CACNA1E: variants seen among roughly 807,000 people sequenced by gnomAD.
The protein encoded by CACNA1E is voltage-dependent R-type calcium channel subunit alpha-1E.
In CACNA1E, 40 loss-of-function variants were observed where a neutral mutation model predicts 259.2. That is an observed-to-expected ratio of 0.15 (90% CI 0.12 to 0.20). CACNA1E has a LOEUF of 0.20. Ranked by LOEUF, CACNA1E falls within the 10% of genes least tolerant of loss-of-function variation. CACNA1E has a pLI of 1.00. For missense variants in CACNA1E, 1,874 were observed against 3,040.1 expected (o/e 0.62, Z 9.02); for synonymous variants, 1,104 against 1,138.5 (o/e 0.97, Z 0.61).
intron 3 of CACNA1E, among the ~76,000 whole-genome samples, chr1:181,544,652 C>G (rs1415233077): frequency 2.6e-5 from 4 of 152,082 alleles, no homozygotes; most frequent in African/African-American, 9.7e-5. Flanking sequence ...GTTTTAGCAC[C>G]CTTCTCCCCC....
rs1662384029 is a variant in CACNA1E, at chr1:181,802,981, T to G, written c.*4147T>G. 1 of 152,162 alleles carries G rather than the reference T, an allele frequency of 6.6e-6. No individual in the cohort carries two copies. Among genetic ancestry groups the G allele is most frequent in the Non-Finnish European group, 1.5e-5 (1 of 68,034 alleles). 9.4% of individuals were successfully genotyped at this position (152,162 alleles called of 1,614,324 possible). On this transcript the variant is annotated 3_prime_UTR_variant, in exon 48 of 48. Transcript: ENST00000367573. ...AAACGTACAGCAGAAGGGGAGCAAA[T>G]AGCTACCTTTCAAGGATTTTGAGAT...
intron 1 of CACNA1E, among the ~76,000 whole-genome samples, chr1:181,397,004 G>A (rs894480078): frequency 6.6e-6 from 1 of 152,200 alleles, no homozygotes; most frequent in Non-Finnish European, 1.5e-5. Flanking sequence ...CTGGCCAATG[G>A]AACAGCTGGG....
chr1:181,425,264 G>C (rs1201524848), intron 2 of CACNA1E, among the ~76,000 whole-genome samples: 1 of 152,108 alleles, frequency 6.6e-6, no homozygotes, highest in African/African-American at 2.4e-5. Flanking sequence ...GCCTTGGCAG[G>C]GCACGATGAG....
At chr1:181,587,325 T>A (rs527315262) in intron 6 of CACNA1E, among the ~76,000 whole-genome samples, 1 of 152,246 alleles carries the variant, frequency 6.6e-6, no homozygotes, top group African/African-American at 2.4e-5. Context: ...ATGGACTCAC[T>A]TGGAGTTAGT....
At chr1:181,343,553 C>T (rs1270767355) in intron 1 of CACNA1E, among the ~76,000 whole-genome samples, 6 of 152,126 alleles carry the variant, frequency 3.9e-5, no homozygotes, top group Non-Finnish European at 8.8e-5. Context: ...GGTGGTATAC[C>T]TCAGGTACAG....
chr1:181,466,582 GCAAAA>G (rs978158789), intron 2 of CACNA1E, among the ~76,000 whole-genome samples: 50 of 151,864 alleles, frequency 3.3e-4, no homozygotes, highest in Non-Finnish European at 3.2e-4. Flanking sequence ...GCAAAGCAAA[GCAAAA>G]CAAAACAAAA....
chr1:181,569,802 A>AAGG (rs1365220769), intron 3 of CACNA1E, among the ~76,000 whole-genome samples: 3 of 152,246 alleles, frequency 2.0e-5, no homozygotes, highest in African/African-American at 7.2e-5. Flanking sequence ...ATTGTTCCAG[A>AAGG]AGGAGCCATA....
At position 181,772,105 on chromosome 1, in the gene CACNA1E, A is replaced by T; in HGVS notation, c.5013A>T (p.Ser1671=). 6.2e-7 allele frequency: 1 copy of T among 1,614,004 alleles called. No individual in the cohort carries two copies. The highest frequency in any genetic ancestry group is 1.1e-5 in the South Asian group (1 of 91,070). The change falls in exon 37 of 48, where the codon TCA becomes TCT. Residue 1671 remains serine, a synonymous_variant. Coordinates refer to ENST00000367573, the MANE Select transcript of CACNA1E (RefSeq NM_001205293.3). ...AGGCCTGGCAGGAGATTATGCTGTC[A>T]TGCCTTGGGGAGAAGGGCTGTGAGC... ...TGEAWQEIML[S]CLGEKGCEPD... is the part of the protein sequence containing the mutation.
chr1:181,762,816 A>G (rs1485590933), intron 33 of CACNA1E, among the ~76,000 whole-genome samples, 159 bp downstream of exon 33: 1 of 152,160 alleles, frequency 6.6e-6, no homozygotes, highest in African/African-American at 2.4e-5. Context: ...CAGCCAGGGA[A>G]TGCAAACTTG....
intron 1 of CACNA1E, among the ~76,000 whole-genome samples, chr1:181,361,773 A>G (rs1408069424): frequency 1.3e-5 from 2 of 152,158 alleles, no homozygotes; most frequent in African/African-American, 2.4e-5. Context: ...AGTCCCCTGG[A>G]TGGTTCTGAT....
chr1:181,493,292 G>A (rs939014000), intron 1 of CACNA1E, among the ~76,000 whole-genome samples: 8 of 152,312 alleles, frequency 5.3e-5, no homozygotes, highest in African/African-American at 1.9e-4. Context: ...GAGCAAGTAC[G>A]ACAGGAACTT....
chr1:181,496,027 T>C (rs1467662488), intron 1 of CACNA1E, among the ~76,000 whole-genome samples: 1 of 152,206 alleles, frequency 6.6e-6, no homozygotes, highest in Non-Finnish European at 1.5e-5. Flanking sequence ...CAGTAAGAGC[T>C]GGAGGCCTGG....
intron 7 of CACNA1E, among the ~76,000 whole-genome samples, chr1:181,667,227 A>C (rs1230825496): frequency 6.6e-6 from 1 of 152,170 alleles, no homozygotes; most frequent in Non-Finnish European, 1.5e-5. Flanking sequence ...ACAGAAAATG[A>C]GGATTTCAAG....
At chr1:181,735,790 A>G (rs183529788) in intron 21 of CACNA1E, among the ~76,000 whole-genome samples, 18 of 152,298 alleles carry the variant, frequency 1.2e-4, no homozygotes, top group Non-Finnish European at 2.5e-4. Flanking sequence ...GGGAACCCAT[A>G]CTAGCTGTAT....
intron 2 of CACNA1E, among the ~76,000 whole-genome samples, chr1:181,437,097 T>C (rs1026135114): frequency 6.6e-6 from 1 of 152,194 alleles, no homozygotes; most frequent in African/African-American, 2.4e-5. Flanking sequence ...CTAGTGAGAC[T>C]ACAGCAATTT....
chr1:181,579,288 A>C (rs1651284228), intron 5 of CACNA1E, 64 bp downstream of exon 5: 1 of 1,387,088 alleles, frequency 7.2e-7, no homozygotes, highest in Admixed American at 2.0e-5. Flanking sequence ...GGGTAATTTC[A>C]GGGCACTTGG....
At chr1:181,440,481 A>G (rs1660387537) in intron 2 of CACNA1E, among the ~76,000 whole-genome samples, 1 of 152,212 alleles carries the variant, frequency 6.6e-6, no homozygotes, top group African/African-American at 2.4e-5. Context: ...CAATCCACCA[A>G]AGAACAATAG....
chr1:181,715,022 A>G (rs1021222440), intron 8 of CACNA1E, among the ~76,000 whole-genome samples: 1 of 152,188 alleles, frequency 6.6e-6, no homozygotes, highest in Non-Finnish European at 1.5e-5. Flanking sequence ...AAAAACAGAA[A>G]TGGAAATTTT....
intron 7 of CACNA1E, among the ~76,000 whole-genome samples, chr1:181,693,149 A>AAAAAAAAAC (rs1558273258): frequency 7.8e-6 from 1 of 128,762 alleles, no homozygotes; most frequent in Non-Finnish European, 1.7e-5. Flanking sequence ...AAAAAAAAAA[A>AAAAAAAAAC]ACAACAGATG....
Sources: gnomAD v4.1 joint callset for allele counts (sites outside exome capture counted in the v4.1 genomes callset) on GRCh38, gnomAD v4.1.1 for gene constraint, MANE v1.5 for transcripts, NCBI Gene and HGNC (gene_info 2026-07-23, HGNC 2026-07-21) for gene names.